CELF2: variants seen among roughly 807,000 people sequenced by gnomAD.
CELF2 encodes CUGBP Elav-like family member 2.
In CELF2, 8 loss-of-function variants were observed where a neutral mutation model predicts 62.6. The ratio of observed to expected loss-of-function variants is 0.13; its 90% confidence interval spans 0.07 to 0.23. CELF2 has a LOEUF of 0.23. Ranked by LOEUF, CELF2 falls within the 10% of genes least tolerant of loss-of-function variation. The pLI, the probability that CELF2 is intolerant of heterozygous loss-of-function variation, is 1.00. For missense variants in CELF2, 333 were observed against 671.0 expected, an observed-to-expected ratio of 0.50 and a Z score of 5.56; for synonymous variants, 258 against 250.0, an observed-to-expected ratio of 1.03 and a Z score of -0.30.
intron 1 of CELF2, among the ~76,000 whole-genome samples, chr10:11,045,284 T>A (rs1300772075): frequency 2.0e-5 from 3 of 152,174 alleles, no homozygotes; most frequent in Admixed American, 2.0e-4. Context: ...TGTTTTTCTA[T>A]ACAGACAGGG....
At chr10:10,986,445 A>G (rs1468379656) in intron 2 of CELF2, among the ~76,000 whole-genome samples, 2 of 152,202 alleles carry the variant, frequency 1.3e-5, no homozygotes, top group African/African-American at 4.8e-5. Context: ...TTCATATGAG[A>G]TAAATGCGTT....
the CELF2 span, among the ~76,000 whole-genome samples, chr10:10,465,507 G>A: frequency 6.6e-6 from 1 of 151,934 alleles, no homozygotes; most frequent in Non-Finnish European, 1.5e-5. Context: ...TATTTCCTGT[G>A]TTTTTTGAAA....
At chr10:11,176,132 C>T (rs934662034) in intron 2 of CELF2, among the ~76,000 whole-genome samples, 8 of 152,158 alleles carry the variant, frequency 5.3e-5, no homozygotes, top group Non-Finnish European at 1.2e-4. Context: ...TGATGGTACA[C>T]GTCTGACGTT....
chr10:10,574,424 G>T, the CELF2 span, among the ~76,000 whole-genome samples: 1 of 152,100 alleles, frequency 6.6e-6, no homozygotes, highest in Non-Finnish European at 1.5e-5. Context: ...AAGGAAAAAA[G>T]CGAAGAATAA....
chr10:10,920,682 G>C (rs1266690502), intron 2 of CELF2, among the ~76,000 whole-genome samples: 1 of 151,618 alleles, frequency 6.6e-6, no homozygotes, highest in East Asian at 1.9e-4. Flanking sequence ...TTTAATGGAA[G>C]GGAGGGAGAA....
intron 1 of CELF2, among the ~76,000 whole-genome samples, chr10:10,812,047 G>A (rs561448023): frequency 6.6e-6 from 1 of 152,274 alleles, no homozygotes; most frequent in East Asian, 1.9e-4. Context: ...GGTCCTGTCT[G>A]TTCTCATGCA....
At chr10:10,747,498 C>T in the CELF2 span, among the ~76,000 whole-genome samples, 58,846 of 151,944 alleles carry the variant, frequency 0.39, 12,656 homozygotes, top group African/African-American at 0.56. Context: ...CGGCAGGCAC[C>T]TGAACCTGGA....
intron 1 of CELF2, among the ~76,000 whole-genome samples, chr10:10,842,246 T>G (rs1390961141): frequency 6.6e-6 from 1 of 152,068 alleles, no homozygotes; most frequent in African/African-American, 2.4e-5. Flanking sequence ...AAAGACAGTT[T>G]TATTTCTTTT....
At chr10:10,616,693 T>C in the CELF2 span, among the ~76,000 whole-genome samples, 17 of 69,940 alleles carry the variant, frequency 2.4e-4, no homozygotes, top group East Asian at 1.5e-3. Flanking sequence ...TGTGTGTGCG[T>C]GTGTGTGTGT....
the CELF2 span, among the ~76,000 whole-genome samples, chr10:10,760,246 G>A: frequency 2.6e-5 from 4 of 152,040 alleles, no homozygotes; most frequent in Non-Finnish European, 5.9e-5. Context: ...TACCTTTCCT[G>A]CCCTGGTACA....
intron 2 of CELF2, among the ~76,000 whole-genome samples, chr10:10,951,584 G>A (rs139420221): frequency 2.0e-3 from 305 of 152,288 alleles, no homozygotes; most frequent in African/African-American, 7.1e-3. Flanking sequence ...CTCCTCCAAG[G>A]ACATTAGTTT....
At chr10:10,998,385 CT>C (rs1267182861) in intron 2 of CELF2, among the ~76,000 whole-genome samples, 3 of 152,130 alleles carry the variant, frequency 2.0e-5, no homozygotes, top group African/African-American at 7.2e-5. Context: ...GGGATCATAA[CT>C]TAGTTATGTG....
At chr10:10,558,136 G>A in the CELF2 span, among the ~76,000 whole-genome samples, 1 of 152,100 alleles carries the variant, frequency 6.6e-6, no homozygotes, top group African/African-American at 2.4e-5. Flanking sequence ...AATGCTTCCA[G>A]TTTTTGTCCA....
chr10:10,926,945 T>C (rs2065531586), intron 2 of CELF2: 1 of 152,208 alleles, frequency 6.6e-6, no homozygotes, highest in Non-Finnish European at 1.5e-5. Flanking sequence ...TGAAGTGCTC[T>C]CTTCATTGTA....
At chr10:11,025,436 C>T (rs1408440290) in intron 1 of CELF2, among the ~76,000 whole-genome samples, 1 of 151,986 alleles carries the variant, frequency 6.6e-6, no homozygotes, top group Non-Finnish European at 1.5e-5. Flanking sequence ...TCACGAGATC[C>T]GATGGTTTTA....
upstream of CELF2, among the ~76,000 whole-genome samples, chr10:11,000,985 G>C (rs1369845660): frequency 1.3e-5 from 2 of 152,166 alleles, no homozygotes; most frequent in African/African-American, 4.8e-5. Context: ...TGATAAATTG[G>C]GGTCAGAGGA....
chr10:10,619,743 G>T, the CELF2 span, among the ~76,000 whole-genome samples: 1 of 152,182 alleles, frequency 6.6e-6, no homozygotes, highest in Admixed American at 6.5e-5. Flanking sequence ...GATAGGAGAA[G>T]TTTGTTTGGA....
intron 1 of CELF2, among the ~76,000 whole-genome samples, chr10:11,128,983 T>G (rs1291659691): frequency 6.6e-6 from 1 of 152,218 alleles, no homozygotes; most frequent in Admixed American, 6.5e-5. Flanking sequence ...CTTCCAATTT[T>G]TGCCCATTCA....
the CELF2 span, among the ~76,000 whole-genome samples, chr10:10,576,132 C>T: frequency 2.6e-4 from 40 of 152,266 alleles, no homozygotes; most frequent in South Asian, 4.1e-4. Context: ...TTCTGTTTCT[C>T]GCATGGCCAG....
Sources: allele counts gnomAD v4.1 joint callset (sites outside exome capture counted in the v4.1 genomes callset), GRCh38; gene constraint gnomAD v4.1.1; transcripts MANE v1.5; gene names NCBI Gene and HGNC (gene_info 2026-07-23, HGNC 2026-07-21).